CENPW: variants seen among roughly 807,000 people sequenced by gnomAD.
CENPW encodes the protein centromere protein W.
A neutral mutation model predicts 11.1 loss-of-function variants in CENPW; 3 were observed. The ratio of observed to expected loss-of-function variants is 0.27; its 90% CI spans 0.12 to 0.70. The LOEUF (loss-of-function observed/expected upper bound fraction) is 0.70. Among genes scored for constraint, CENPW ranks in the 30% least tolerant of loss-of-function variants. The pLI is 0.77. For missense variants in CENPW, 100 were observed against 105.6 expected (o/e 0.95, Z 0.23); for synonymous variants, 38 against 42.0 (o/e 0.91, Z 0.37).
chr6:126,365,231 A>G, the CENPW span, among the ~76,000 whole-genome samples: 2 of 152,186 alleles, frequency 1.3e-5, no homozygotes, highest in South Asian at 2.1e-4. Context: ...TGACCTAATT[A>G]TAGATTTTGA....
the CENPW span, among the ~76,000 whole-genome samples, chr6:126,473,793 AATAT>A: frequency 2.5e-4 from 37 of 150,736 alleles, no homozygotes; most frequent in Admixed American, 3.3e-4. Flanking sequence ...AGATATATAG[AATAT>A]ATATGCACAG....
Position 126,340,219 on chromosome 6 carries a change from T to C in CENPW, c.-55T>C. 1.3e-6 allele frequency: 2 copies of C among 1,558,408 alleles called. No individual in the cohort carries two copies. Among genetic ancestry groups the C allele is most frequent in the Non-Finnish European group, 1.8e-6 (2 of 1,134,180 alleles). ...GCTGGCCCAGTGTCCCCGGAGCTTG[T>C]GTGCGATACAGAGAGCACCTCGGAA... On this transcript the variant is annotated 5_prime_UTR_variant, in exon 1 of 3. Transcript: ENST00000368328.
chr6:126,364,637 A>G, the CENPW span, among the ~76,000 whole-genome samples: 80 of 152,318 alleles, frequency 5.3e-4, 3 homozygotes, highest in Non-Finnish European at 2.8e-4. Context: ...TTTTATATGT[A>G]ACTTTTTCCT....
At chr6:126,444,986 T>C in the CENPW span, among the ~76,000 whole-genome samples, 2 of 151,058 alleles carry the variant, frequency 1.3e-5, no homozygotes, top group Non-Finnish European at 3.0e-5. Flanking sequence ...CATTTCTTCT[T>C]AGGTTGGGCA....
chr6:126,421,833 G>A, the CENPW span, among the ~76,000 whole-genome samples: 2 of 152,120 alleles, frequency 1.3e-5, no homozygotes, highest in African/African-American at 4.8e-5. Context: ...GCTCCACTAC[G>A]TTATTAATGT....
chr6:126,349,952 G>C (rs1780472315), downstream of CENPW, among the ~76,000 whole-genome samples: 2 of 152,004 alleles, frequency 1.3e-5, no homozygotes, highest in Non-Finnish European at 2.9e-5. Flanking sequence ...CTGGGCTAAA[G>C]TTATCCTCCT....
chr6:126,435,151 A>C, the CENPW span, among the ~76,000 whole-genome samples: 1 of 151,960 alleles, frequency 6.6e-6, no homozygotes. Context: ...TAAAGCATCC[A>C]CTTCTTTGTC....
chr6:126,460,150 C>G, the CENPW span, among the ~76,000 whole-genome samples: 4 of 151,566 alleles, frequency 2.6e-5, no homozygotes. Flanking sequence ...TTGAAAGTCT[C>G]TAAGCCTGCA....
chr6:126,346,849 A>G (rs982571500), intron 2 of CENPW, among the ~76,000 whole-genome samples: 1 of 152,160 alleles, frequency 6.6e-6, no homozygotes. Flanking sequence ...CATATCACCA[A>G]TTATTTGATT....
the CENPW span, among the ~76,000 whole-genome samples, chr6:126,464,149 T>C: frequency 6.6e-6 from 1 of 152,002 alleles, no homozygotes; most frequent in African/African-American, 2.4e-5. Flanking sequence ...CCTAGAAACA[T>C]AGGGCTGGTT....
chr6:126,473,617 C>T, the CENPW span, among the ~76,000 whole-genome samples: 1 of 151,730 alleles, frequency 6.6e-6, no homozygotes, highest in Non-Finnish European at 1.5e-5. Context: ...CTTTTAATTC[C>T]AGCTACTTTG....
At chr6:126,408,176 G>C in the CENPW span, among the ~76,000 whole-genome samples, 1 of 152,104 alleles carries the variant, frequency 6.6e-6, no homozygotes, top group Non-Finnish European at 1.5e-5. Context: ...AAACTGGCTA[G>C]CCATATGCAG....
chr6:126,475,156 C>T, the CENPW span, among the ~76,000 whole-genome samples: 1 of 152,064 alleles, frequency 6.6e-6, no homozygotes, highest in Non-Finnish European at 1.5e-5. Flanking sequence ...AAATTCAAAA[C>T]TTGAGTGTCA....
At chr6:126,421,554 G>A in the CENPW span, among the ~76,000 whole-genome samples, 817 of 148,164 alleles carry the variant, frequency 5.5e-3, 9 homozygotes, top group African/African-American at 0.018. Context: ...AAATTTTCCC[G>A]ATTAAATAGC....
chr6:126,348,412 G>A, intron 2 of CENPW, 54 bp from the exon 3 acceptor site: 3 of 956,312 alleles, frequency 3.1e-6, no homozygotes, highest in African/African-American at 3.3e-5. Flanking sequence ...GTTAAGGAAT[G>A]ATGTTTTATT....
chr6:126,414,002 G>A, the CENPW span, among the ~76,000 whole-genome samples: 7 of 151,820 alleles, frequency 4.6e-5, no homozygotes, highest in African/African-American at 9.7e-5. Context: ...AAAACAAAAA[G>A]CAATCAAGAG....
chr6:126,392,934 T>G, the CENPW span, among the ~76,000 whole-genome samples: 1 of 151,928 alleles, frequency 6.6e-6, no homozygotes, highest in Non-Finnish European at 1.5e-5. Flanking sequence ...GGCTTTTATT[T>G]GCTGGGAGAC....
At chr6:126,477,719 T>G in the CENPW span, among the ~76,000 whole-genome samples, 3 of 152,008 alleles carry the variant, frequency 2.0e-5, no homozygotes, top group African/African-American at 7.2e-5. Flanking sequence ...GCAGGTAGTT[T>G]AATTAACTTT....
At chr6:126,414,978 A>C in the CENPW span, among the ~76,000 whole-genome samples, 1 of 152,092 alleles carries the variant, frequency 6.6e-6, no homozygotes. Context: ...ATACAACAAA[A>C]TGGAAAATCT....
Sources: gnomAD v4.1 joint callset for allele counts (sites outside exome capture counted in the v4.1 genomes callset) on GRCh38, gnomAD v4.1.1 for gene constraint, MANE v1.5 for transcripts, NCBI Gene and HGNC (gene_info 2026-07-23, HGNC 2026-07-21) for gene names.